The following NLGN4X variants were observed in gnomAD, a reference collection of about 807,000 sequenced individuals.
The protein encoded by NLGN4X is neuroligin-4, X-linked.
Under a neutral mutation model 40.3 loss-of-function variants are expected in NLGN4X, and 3 were observed. That is an observed-to-expected ratio of 0.07 (90% CI 0.03 to 0.19). NLGN4X has a LOEUF of 0.19. Among genes scored for constraint, NLGN4X ranks in the 10% least tolerant of loss-of-function variants. The pLI is 1.00. For synonymous variants in NLGN4X, 270 were observed against 306.8 expected, an observed-to-expected ratio of 0.88 and a Z score of 1.25; for missense variants, 382 against 708.3, an observed-to-expected ratio of 0.54 and a Z score of 5.23.
At chrX:6,042,687 A>T (rs1193204160) in intron 2 of NLGN4X, among the ~76,000 whole-genome samples, 2 of 10,681 alleles carry the variant, frequency 1.9e-4, no homozygotes, top group Admixed American at 1.6e-3. Context: ...TAGAGGTTTT[A>T]TATATATATA....
chrX:6,000,570 A>T (rs190328530), intron 3 of NLGN4X, among the ~76,000 whole-genome samples: 267 of 111,686 alleles, frequency 2.4e-3, no homozygotes, highest in African/African-American at 8.2e-3. Context: ...GAACATAAAA[A>T]AAAAAATCAT....
intron 2 of NLGN4X, among the ~76,000 whole-genome samples, chrX:6,116,765 A>G (rs1348907711): frequency 9.0e-6 from 1 of 110,586 alleles, no homozygotes; most frequent in East Asian, 2.9e-4. Context: ...CCTGACCTCA[A>G]GTGATCCGCC....
Position 6,195,737 on chromosome X carries a change from T to C in NLGN4X, c.-306+32804A>G, listed in dbSNP as rs147737998. On this transcript the variant is annotated intron_variant, in intron 1 of 5. Transcript: ENST00000381095. ...ATTTTACAATAATTAGTGTGCATTG[T>C]ATCTGACTGGCTATATTTTTTGTGA... is the stretch of plus-strand genomic sequence containing the variant. Among the ~76,000 whole-genome samples the C allele has an allele frequency of 7.1e-4, 80 of 111,952 alleles. No individual in the cohort carries two copies. The East Asian group carries it at 0.021, about 29-fold the overall frequency.
At chrX:5,960,490 A>G (rs1484664638) in intron 3 of NLGN4X, among the ~76,000 whole-genome samples, 1 of 111,855 alleles carries the variant, frequency 8.9e-6, no homozygotes, top group Non-Finnish European at 1.9e-5. Flanking sequence ...TACTTTCACA[A>G]AGGAATTTAG....
intron 2 of NLGN4X, among the ~76,000 whole-genome samples, chrX:6,091,188 T>C (rs778872043): frequency 1.8e-5 from 2 of 111,157 alleles, no homozygotes; most frequent in Non-Finnish European, 3.8e-5. Context: ...ATATGTGCTA[T>C]AACAAGTTAT....
intron 3 of NLGN4X, among the ~76,000 whole-genome samples, chrX:5,979,360 C>T (rs1228295928): frequency 9.0e-6 from 1 of 110,655 alleles, no homozygotes; most frequent in Non-Finnish European, 1.9e-5. Flanking sequence ...TGTGTAAATA[C>T]CTAGGAGTTA....
At chrX:5,983,155 G>A (rs776575740) in intron 3 of NLGN4X, among the ~76,000 whole-genome samples, 2 of 112,634 alleles carry the variant, frequency 1.8e-5, no homozygotes, top group Non-Finnish European at 3.7e-5. Context: ...GCAAGTGCTT[G>A]CAGTCTACCT....
chrX:5,994,262 G>A (rs936517664), intron 3 of NLGN4X, among the ~76,000 whole-genome samples: 13 of 111,888 alleles, frequency 1.2e-4, no homozygotes, highest in Admixed American at 2.8e-4. Context: ...GAAGGCTACC[G>A]ATTAGATTGA....
chrX:6,177,597 T>C, intron 1 of NLGN4X, among the ~76,000 whole-genome samples: 1 of 112,428 alleles, frequency 8.9e-6, no homozygotes. Flanking sequence ...TCACACAAAA[T>C]AATCATGTCC....
chrX:6,007,196 T>C (rs1486387007), intron 3 of NLGN4X, among the ~76,000 whole-genome samples: 1 of 111,894 alleles, frequency 8.9e-6, no homozygotes, highest in Non-Finnish European at 1.9e-5. Flanking sequence ...GAGGCCATTA[T>C]CCTAAGTGAA....
intron 3 of NLGN4X, among the ~76,000 whole-genome samples, chrX:6,003,544 C>T (rs775838500): frequency 4.5e-5 from 5 of 111,836 alleles, no homozygotes; most frequent in Non-Finnish European, 9.4e-5. Context: ...TTTCCTTCTC[C>T]CTATGTTGAG....
chrX:6,059,177 C>A (rs945210359), intron 2 of NLGN4X, among the ~76,000 whole-genome samples: 1 of 111,983 alleles, frequency 8.9e-6, no homozygotes, highest in African/African-American at 3.2e-5. Flanking sequence ...ATTTTCTTTG[C>A]AGCTGTACTT....
chrX:6,083,617 G>A (rs1171752682), intron 2 of NLGN4X, among the ~76,000 whole-genome samples: 1 of 111,994 alleles, frequency 8.9e-6, no homozygotes, highest in East Asian at 2.8e-4. Context: ...GTGGGCCACA[G>A]GAAGACAGCA....
intron 2 of NLGN4X, among the ~76,000 whole-genome samples, chrX:6,095,172 T>G (rs2038742287): frequency 9.4e-6 from 1 of 106,542 alleles, no homozygotes; most frequent in South Asian, 4.5e-4. Context: ...TGTTGCTAAG[T>G]GCATAAATAT....
chrX:6,012,595 G>C (rs2036283600), intron 3 of NLGN4X, among the ~76,000 whole-genome samples: 2 of 111,916 alleles, frequency 1.8e-5, no homozygotes, highest in African/African-American at 6.5e-5. Flanking sequence ...TGGAAACTCA[G>C]AATGTGACCC....
intron 1 of NLGN4X, among the ~76,000 whole-genome samples, chrX:6,183,458 AT>A (rs1201004740): frequency 2.7e-5 from 3 of 110,945 alleles, no homozygotes; most frequent in Middle Eastern, 4.2e-3. Flanking sequence ...GAGGCAGGAG[AT>A]ATGCATGAAC....
Position 5,968,481 on chromosome X carries a change from G to C in NLGN4X, c.626-59242C>G, listed in dbSNP as rs1233470880. Among the ~76,000 whole-genome samples the C allele has an allele frequency of 3.8e-4, 32 of 83,790 alleles. 1 individual carries two copies. Among genetic ancestry groups the C allele is most frequent in the South Asian group, 1.5e-3 (2 of 1,374 alleles). 72.8% of individuals were successfully genotyped at this position (83,790 alleles called of 115,157 possible). Reference sequence around the variant, plus strand: ...TCTGTGTGTGTGTGTGTGTGTGTGTGTGTGTGTGTGTGTGTGTGTGTGTGT... The same window carrying C: ...TCTGTGTGTGTGTGTGTGTGTGTGTCTGTGTGTGTGTGTGTGTGTGTGTGT... On this transcript the variant is annotated intron_variant, in intron 3 of 5. Coordinates refer to ENST00000381095, the MANE Select transcript of NLGN4X (RefSeq NM_181332.3).
At chrX:6,044,136 AC>A (rs1317483671) in intron 2 of NLGN4X, among the ~76,000 whole-genome samples, 25 of 110,787 alleles carry the variant, frequency 2.3e-4, no homozygotes, top group African/African-American at 2.9e-4. Flanking sequence ...TAAATAAATA[AC>A]AAAATCACAC....
At chrX:6,007,599 G>A (rs1228010433) in intron 3 of NLGN4X, among the ~76,000 whole-genome samples, 1 of 111,805 alleles carries the variant, frequency 8.9e-6, no homozygotes, top group Non-Finnish European at 1.9e-5. Context: ...ACATACATTT[G>A]CTAACAAAAT....
Sources: gnomAD v4.1 joint callset for allele counts (sites outside exome capture counted in the v4.1 genomes callset) on GRCh38, gnomAD v4.1.1 for gene constraint, MANE v1.5 for transcripts, NCBI Gene and HGNC (gene_info 2026-07-23, HGNC 2026-07-21) for gene names.